Variants in PHF21B observed in about 807,000 individuals in gnomAD.
PHF21B encodes the protein PHD finger protein 4.
Under a neutral mutation model 62.2 loss-of-function variants are expected in PHF21B, and 22 were observed. The ratio of observed to expected loss-of-function variants is 0.35; its 90% CI spans 0.25 to 0.51. PHF21B has a LOEUF of 0.51. PHF21B is among the 20% of genes least tolerant of loss of function. PHF21B has a pLI of 0.97. For missense variants in PHF21B, 701 were observed against 707.9 expected (o/e 0.99, Z 0.11); for synonymous variants, 341 against 314.7 (o/e 1.08, Z -0.88).
At chr22:44,926,825 C>T (rs928791547) in intron 2 of PHF21B, among the ~76,000 whole-genome samples, 1 of 151,942 alleles carries the variant, frequency 6.6e-6, no homozygotes, top group African/African-American at 2.4e-5. Flanking sequence ...GTGTCTGTAT[C>T]CGGGTGTTGC....
chr22:44,913,812 C>A lies in PHF21B; in HGVS notation c.831+10G>T. On this transcript the variant is annotated intron_variant, in intron 5 of 12. Transcript: ENST00000313237. The stretch of plus-strand genomic sequence containing the variant: ...GCAGGGCCTGGGCCCTCCGGAGAGG[C>A]CTGTCCTACCTCGGGGTTCTCCTGG... 6.2e-7 allele frequency: 1 copy of A among 1,610,436 alleles called. No homozygotes were observed. Among genetic ancestry groups the A allele is most frequent in the South Asian group, 1.1e-5 (1 of 90,428 alleles).
chr22:44,993,708 C>T (rs1191587069), intron 2 of PHF21B, among the ~76,000 whole-genome samples: 1 of 152,220 alleles, frequency 6.6e-6, no homozygotes, highest in East Asian at 1.9e-4. Context: ...TTCCTGCAGG[C>T]CAAACAGCAA....
Position 45,009,800 on chromosome 22 carries a change from C to A in PHF21B, c.-251G>T. 5.1e-6 allele frequency: 1 copy of A among 196,934 alleles called. No homozygotes were observed. Among genetic ancestry groups the A allele is most frequent in the South Asian group, 1.6e-4 (1 of 6,324 alleles). 12.2% of individuals were successfully genotyped at this position (196,934 alleles called of 1,614,324 possible). On this transcript the variant is annotated 5_prime_UTR_variant, in exon 1 of 13. Transcript: ENST00000313237. The surrounding 1 kb of genome is among the most constrained non-coding windows in gnomAD (Gnocchi z 5.9). Reference sequence around the variant, plus strand: ...CTGCCCGGCAAGTTGCGCCGGGTCCCCGGGCTGCCGGCGCGGCCCGGAGCA... The same window carrying A: ...CTGCCCGGCAAGTTGCGCCGGGTCCACGGGCTGCCGGCGCGGCCCGGAGCA...
At chr22:45,002,197 G>A (rs1813404072) in intron 2 of PHF21B, among the ~76,000 whole-genome samples, 2 of 152,078 alleles carry the variant, frequency 1.3e-5, no homozygotes, top group Admixed American at 1.3e-4. Context: ...GTCTACTGTT[G>A]TATTGACATA....
intron 5 of PHF21B, among the ~76,000 whole-genome samples, chr22:44,911,466 T>C (rs970830418): frequency 6.6e-6 from 1 of 152,126 alleles, no homozygotes; most frequent in Non-Finnish European, 1.5e-5. Context: ...CCCTCTGCTG[T>C]GTGCAGTCTA....
At chr22:44,980,588 G>C (rs1006513519) in intron 2 of PHF21B, among the ~76,000 whole-genome samples, 3 of 152,306 alleles carry the variant, frequency 2.0e-5, no homozygotes, top group African/African-American at 4.8e-5. Context: ...TGAGTGGTAC[G>C]AAGGAAGCCA....
At chr22:44,965,222 C>T (rs1193328304) in intron 2 of PHF21B, among the ~76,000 whole-genome samples, 2 of 152,110 alleles carry the variant, frequency 1.3e-5, no homozygotes, top group African/African-American at 2.4e-5. Context: ...CCTCTGAACA[C>T]AGCCGCCTCT....
chr22:44,997,136 A>G (rs777170722), intron 2 of PHF21B, among the ~76,000 whole-genome samples: 28 of 152,134 alleles, frequency 1.8e-4, no homozygotes, highest in Non-Finnish European at 3.5e-4. Context: ...GTCACACCCC[A>G]GAGAATACGC....
At chr22:44,985,855 T>C (rs1437411328) in intron 2 of PHF21B, among the ~76,000 whole-genome samples, 2 of 151,286 alleles carry the variant, frequency 1.3e-5, no homozygotes, top group African/African-American at 4.9e-5. Context: ...ACCATCACAA[T>C]GATCACCATC....
chr22:44,915,771 A>G (rs2071421217), intron 4 of PHF21B, among the ~76,000 whole-genome samples: 1 of 152,164 alleles, frequency 6.6e-6, no homozygotes, highest in Non-Finnish European at 1.5e-5. Flanking sequence ...AAACAGCACA[A>G]CCACCAGGAG....
At chr22:44,913,671 G>GC in intron 5 of PHF21B, 151 bp downstream of exon 5, 1 of 1,137,832 alleles carries the variant, frequency 8.8e-7, no homozygotes. Flanking sequence ...GCTTGGCGAG[G>GC]CCCCATCCTG....
chr22:44,918,084 CAGCCCAA>C (rs2071471019), intron 3 of PHF21B, among the ~76,000 whole-genome samples: 1 of 152,260 alleles, frequency 6.6e-6, no homozygotes, highest in Non-Finnish European at 1.5e-5. Flanking sequence ...GCCAGGCTTA[CAGCCCAA>C]CAGAAACTCC....
intron 10 of PHF21B, 65 bp from the exon 11 acceptor site, chr22:44,886,003 C>T: frequency 1.3e-6 from 2 of 1,506,488 alleles, no homozygotes; most frequent in Non-Finnish European, 1.8e-6. Flanking sequence ...CTGTCCACAC[C>T]CTGGCTGTGT....
At chr22:44,945,185 A>C (rs2072041951) in intron 2 of PHF21B, among the ~76,000 whole-genome samples, 1 of 152,328 alleles carries the variant, frequency 6.6e-6, no homozygotes, top group African/African-American at 2.4e-5. Context: ...GGTTTCCTGA[A>C]GACCTGGCTC....
chr22:44,980,550 C>A (rs536858298), intron 2 of PHF21B, among the ~76,000 whole-genome samples: 22 of 152,240 alleles, frequency 1.4e-4, no homozygotes, highest in African/African-American at 4.8e-4. Flanking sequence ...TCTGGAGGAG[C>A]TGTGTGTGAT....
At chr22:44,974,920 T>G (rs1334871453) in intron 2 of PHF21B, among the ~76,000 whole-genome samples, 1 of 152,156 alleles carries the variant, frequency 6.6e-6, no homozygotes, top group Non-Finnish European at 1.5e-5. Context: ...AACAAGCAGA[T>G]CAAAATGAAA....
At chr22:44,979,764 T>C (rs1601672455) in intron 2 of PHF21B, among the ~76,000 whole-genome samples, 1 of 152,170 alleles carries the variant, frequency 6.6e-6, no homozygotes, top group Admixed American at 6.5e-5. Context: ...TTTTTGTTCA[T>C]TGAGGTAAAA....
At chr22:44,961,797 C>T (rs944588795) in intron 2 of PHF21B, among the ~76,000 whole-genome samples, 2 of 151,678 alleles carry the variant, frequency 1.3e-5, no homozygotes, top group Admixed American at 6.6e-5. Flanking sequence ...GCCGAGGTTG[C>T]GCGCACCACT....
chr22:44,948,433 G>C (rs557111501), intron 2 of PHF21B, among the ~76,000 whole-genome samples: 5 of 152,288 alleles, frequency 3.3e-5, no homozygotes, highest in African/African-American at 1.2e-4. Context: ...TGTAATCCCG[G>C]CACTCTGGGA....
Sources: allele counts gnomAD v4.1 joint callset (sites outside exome capture counted in the v4.1 genomes callset), GRCh38; gene constraint gnomAD v4.1.1; non-coding constraint Gnocchi (gnomAD v3.1); transcripts MANE v1.5; gene names NCBI Gene and HGNC (gene_info 2026-07-23, HGNC 2026-07-21).